MAPK10: variants seen among roughly 807,000 people sequenced by gnomAD.
MAPK10 encodes JNK3 alpha protein kinase.
A neutral mutation model predicts 59.3 loss-of-function variants in MAPK10; 25 were observed. That is an observed-to-expected ratio of 0.42 (90% CI 0.31 to 0.59). The LOEUF (loss-of-function observed/expected upper bound fraction) is 0.59. MAPK10 is among the 20% of genes least tolerant of loss of function. MAPK10 has a pLI of 0.15. For missense variants in MAPK10, 351 were observed against 568.9 expected (o/e 0.62, Z 3.90); for synonymous variants, 190 against 200.5 (o/e 0.95, Z 0.44).
chr4:86,507,615 G>GATATAGATATATAT (rs1755839691), intron 1 of MAPK10, among the ~76,000 whole-genome samples: 1 of 35,654 alleles, frequency 2.8e-5, no homozygotes, highest in East Asian at 1.6e-3. Context: ...ATAAACTGGA[G>GATATAGATATATAT]ATATATATAT....
At chr4:86,307,955 T>C (rs1367013555) in intron 2 of MAPK10, among the ~76,000 whole-genome samples, 1 of 152,174 alleles carries the variant, frequency 6.6e-6, no homozygotes. Context: ...GCTATAGCTC[T>C]AGCTGCAGAA....
At chr4:86,157,440 T>C (rs184046226) in intron 4 of MAPK10, among the ~76,000 whole-genome samples, 168 of 152,102 alleles carry the variant, frequency 1.1e-3, no homozygotes, top group African/African-American at 3.9e-3. Flanking sequence ...AAATTAATGA[T>C]ATGTTTCAGT....
chr4:86,508,554 T>C (rs1004107558), intron 1 of MAPK10, among the ~76,000 whole-genome samples: 15 of 152,330 alleles, frequency 9.8e-5, no homozygotes, highest in Non-Finnish European at 1.6e-4. Flanking sequence ...ATTTGGTGCA[T>C]CCGGCTTAAT....
intron 1 of MAPK10, among the ~76,000 whole-genome samples, chr4:86,381,167 C>T (rs1740649274): frequency 6.6e-6 from 1 of 152,168 alleles, no homozygotes; most frequent in African/African-American, 2.4e-5. Context: ...GGGCCACATT[C>T]CAACCTGGTA....
intron 1 of MAPK10, among the ~76,000 whole-genome samples, chr4:86,541,692 T>A (rs1306213808): frequency 6.6e-6 from 1 of 152,208 alleles, no homozygotes; most frequent in African/African-American, 2.4e-5. Flanking sequence ...TCTACAGTGC[T>A]ATTTTGGTCT....
chr4:86,145,329 T>C (rs1463219197), intron 4 of MAPK10, among the ~76,000 whole-genome samples: 1 of 117,860 alleles, frequency 8.5e-6, no homozygotes, highest in Non-Finnish European at 1.6e-5. Context: ...GCCACTGCAC[T>C]CCAGCCTGGG....
At chr4:86,311,286 A>G (rs2095664884) in intron 2 of MAPK10, among the ~76,000 whole-genome samples, 1 of 152,094 alleles carries the variant, frequency 6.6e-6, no homozygotes, top group Non-Finnish European at 1.5e-5. Context: ...CTCTCGTCTT[A>G]TTATTCATTA....
chr4:86,468,756 A>C (rs947364850), intron 1 of MAPK10, among the ~76,000 whole-genome samples: 12 of 152,188 alleles, frequency 7.9e-5, no homozygotes, highest in African/African-American at 2.9e-4. Context: ...CTGGAGGCTG[A>C]GGCAGGAGAA....
upstream of MAPK10, among the ~76,000 whole-genome samples, chr4:86,455,902 T>C (rs1463104079): frequency 1.3e-5 from 2 of 152,198 alleles, no homozygotes; most frequent in Non-Finnish European, 2.9e-5. Context: ...GACTGTATGA[T>C]AGGCCACAAA....
chr4:86,488,073 T>C (rs1754151167), intron 1 of MAPK10, among the ~76,000 whole-genome samples: 1 of 152,086 alleles, frequency 6.6e-6, no homozygotes, highest in Non-Finnish European at 1.5e-5. Context: ...GGCAAGTTTT[T>C]CCCTCAGCTC....
At chr4:86,345,211 C>G (rs779342694) in intron 2 of MAPK10, among the ~76,000 whole-genome samples, 30 of 152,278 alleles carry the variant, frequency 2.0e-4, no homozygotes, top group Middle Eastern at 3.4e-3. Context: ...TGCTTTGCAT[C>G]CTCATGGAGT....
intron 10 of MAPK10, 99 bp downstream of exon 10, chr4:86,067,674 A>G: frequency 1.9e-6 from 2 of 1,033,420 alleles, no homozygotes. Flanking sequence ...AACTAAAAAT[A>G]AAAGGGAACA....
intron 1 of MAPK10, among the ~76,000 whole-genome samples, chr4:86,386,234 C>T (rs181458485): frequency 3.9e-5 from 6 of 152,306 alleles, no homozygotes; most frequent in East Asian, 1.9e-4. Flanking sequence ...ATTGGAGATA[C>T]GATTCGCTAA....
chr4:86,064,506 G>A, intron 10 of MAPK10, 116 bp from the exon 11 acceptor site: 1 of 943,206 alleles, frequency 1.1e-6, no homozygotes, highest in Non-Finnish European at 1.6e-6. Flanking sequence ...CCAAACATCA[G>A]GTAAATCCCT....
intron 11 of MAPK10, among the ~76,000 whole-genome samples, chr4:86,054,347 C>G (rs975979998): frequency 1.3e-5 from 2 of 152,106 alleles, no homozygotes. Flanking sequence ...TTGACAAGCT[C>G]CCACCAACAT....
intron 1 of MAPK10, among the ~76,000 whole-genome samples, chr4:86,552,063 A>C (rs879500736): frequency 1.3e-5 from 2 of 152,134 alleles, no homozygotes; most frequent in African/African-American, 4.8e-5. Context: ...AATGGATTAA[A>C]TTATATTTTA....
At chr4:86,341,468 C>A (rs11097105) in intron 2 of MAPK10, among the ~76,000 whole-genome samples, 111,182 of 152,016 alleles carry the variant, frequency 0.73, 41,243 homozygotes, top group South Asian at 0.9. Flanking sequence ...AAATGGCAAG[C>A]CAATTTTCTT....
At chr4:86,456,946 A>G (rs1347743389), upstream of MAPK10, among the ~76,000 whole-genome samples, 1 of 152,202 alleles carries the variant, frequency 6.6e-6, no homozygotes, top group Non-Finnish European at 1.5e-5. Context: ...ACACATCCAA[A>G]AGATAATCTA....
chr4:86,025,384 G>T (rs1484238988), intron 13 of MAPK10: 1 of 395,290 alleles, frequency 2.5e-6, no homozygotes, highest in Non-Finnish European at 4.5e-6. Flanking sequence ...CTATTTTCAT[G>T]TAGGCAATAA....
Sources: gnomAD v4.1 joint callset for allele counts (sites outside exome capture counted in the v4.1 genomes callset) on GRCh38, gnomAD v4.1.1 for gene constraint, MANE v1.5 for transcripts, NCBI Gene and HGNC (gene_info 2026-07-23, HGNC 2026-07-21) for gene names.